TAFA2: variants seen among roughly 807,000 people sequenced by gnomAD.
TAFA2 encodes the protein TAFA chemokine like family member 2.
Under a neutral mutation model 18.8 loss-of-function variants are expected in TAFA2, and 7 were observed. The ratio of observed to expected loss-of-function variants is 0.37; its 90% CI spans 0.21 to 0.70. TAFA2 has a LOEUF of 0.70. TAFA2 is among the 30% of genes least tolerant of loss of function. The probability of loss-of-function intolerance (pLI) is 0.53; values close to 1 mark genes in which losing one functional copy is unlikely to be tolerated. For missense variants in TAFA2, 122 were observed against 158.1 expected (o/e 0.77, Z 1.23); for synonymous variants, 60 against 54.2 (o/e 1.11, Z -0.47).
At chr12:62,132,101 A>G (rs886908155) in intron 1 of TAFA2, among the ~76,000 whole-genome samples, 1 of 151,932 alleles carries the variant, frequency 6.6e-6, no homozygotes, top group African/African-American at 2.4e-5. Flanking sequence ...TAAAATCTAC[A>G]TTGATAAGAT....
At chr12:61,966,391 G>A (rs570108267) in intron 1 of TAFA2, among the ~76,000 whole-genome samples, 3 of 151,978 alleles carry the variant, frequency 2.0e-5, no homozygotes, top group Admixed American at 6.6e-5. Context: ...GGCTTCAGGG[G>A]ACCTCTTTTA....
chr12:62,231,676 A>G (rs2062812599), intron 1 of TAFA2, among the ~76,000 whole-genome samples: 1 of 152,202 alleles, frequency 6.6e-6, no homozygotes, highest in South Asian at 2.1e-4. Context: ...ATTTAGATTG[A>G]AAAAGTTCAA....
intron 1 of TAFA2, among the ~76,000 whole-genome samples, chr12:61,927,358 A>T (rs1469744365): frequency 6.6e-6 from 1 of 152,182 alleles, no homozygotes; most frequent in East Asian, 1.9e-4. Context: ...CAGCATTCCT[A>T]TACAGCAATA....
intron 2 of TAFA2, among the ~76,000 whole-genome samples, chr12:61,777,551 C>A (rs1277577465): frequency 6.6e-6 from 1 of 151,682 alleles, no homozygotes; most frequent in Non-Finnish European, 1.5e-5. Context: ...AGCAACTTAC[C>A]TTTTCTTACC....
At chr12:61,945,105 C>G (rs1417350011) in intron 1 of TAFA2, among the ~76,000 whole-genome samples, 1 of 118,576 alleles carries the variant, frequency 8.4e-6, no homozygotes, top group African/African-American at 4.1e-5. Flanking sequence ...AGCTTATCCA[C>G]CATGATCAAG....
intron 1 of TAFA2, among the ~76,000 whole-genome samples, chr12:62,054,249 T>C (rs1353074441): frequency 6.6e-6 from 1 of 152,250 alleles, no homozygotes; most frequent in Non-Finnish European, 1.5e-5. Flanking sequence ...ACAGAAAGCC[T>C]GTCTATGTGT....
intron 4 of TAFA2, among the ~76,000 whole-genome samples, chr12:61,716,779 G>T (rs1469991978): frequency 1.3e-5 from 2 of 151,900 alleles, no homozygotes; most frequent in East Asian, 1.9e-4. Flanking sequence ...TTTATTTTTG[G>T]ACTGATGAGC....
intron 2 of TAFA2, among the ~76,000 whole-genome samples, chr12:61,811,328 A>G (rs1871860093): frequency 6.6e-6 from 1 of 151,466 alleles, no homozygotes; most frequent in African/African-American, 2.5e-5. Flanking sequence ...AAGATTATAT[A>G]GTATTAGTTG....
At chr12:62,209,019 T>A (rs1032244251) in intron 1 of TAFA2, among the ~76,000 whole-genome samples, 3 of 152,212 alleles carry the variant, frequency 2.0e-5, no homozygotes, top group African/African-American at 7.2e-5. Context: ...AGATCGCTTT[T>A]GGCCTCTGAA....
intron 1 of TAFA2, among the ~76,000 whole-genome samples, chr12:62,214,511 G>A (rs2062726330): frequency 6.6e-6 from 1 of 152,150 alleles, no homozygotes; most frequent in Non-Finnish European, 1.5e-5. Context: ...CCAGCAGCAT[G>A]AAAATGAATT....
At chr12:62,084,524 T>G (rs1868377667) in intron 1 of TAFA2, among the ~76,000 whole-genome samples, 1 of 152,176 alleles carries the variant, frequency 6.6e-6, no homozygotes, top group South Asian at 2.1e-4. Flanking sequence ...CAATCATTTT[T>G]AAGAGAAAGG....
At chr12:62,022,368 T>C (rs192689216) in intron 1 of TAFA2, among the ~76,000 whole-genome samples, 85 of 152,320 alleles carry the variant, frequency 5.6e-4, no homozygotes, top group African/African-American at 2.0e-3. Context: ...TATAATTATA[T>C]GTAATGCCAT....
intron 2 of TAFA2, among the ~76,000 whole-genome samples, chr12:61,757,620 A>G (rs1869336783): frequency 6.6e-6 from 1 of 152,040 alleles, no homozygotes; most frequent in African/African-American, 2.4e-5. Context: ...CACCAATAGA[A>G]AAAGAAGAAA....
intron 2 of TAFA2, among the ~76,000 whole-genome samples, chr12:61,770,405 C>CA (rs1373589449): frequency 2.0e-5 from 3 of 152,092 alleles, no homozygotes; most frequent in Admixed American, 6.6e-5. Flanking sequence ...AAATTCATTG[C>CA]AAAAAGATCA....
intron 1 of TAFA2, among the ~76,000 whole-genome samples, chr12:62,186,417 T>C (rs1001998257): frequency 6.6e-6 from 1 of 152,188 alleles, no homozygotes; most frequent in Non-Finnish European, 1.5e-5. Flanking sequence ...CTTTACATAG[T>C]ACAGGAGACT....
intron 2 of TAFA2, among the ~76,000 whole-genome samples, chr12:61,785,626 C>CTTT (rs1256618714): frequency 6.6e-6 from 1 of 151,334 alleles, no homozygotes; most frequent in Non-Finnish European, 1.5e-5. Flanking sequence ...CCTATCCTGC[C>CTTT]TTGAACTTTC....
chr12:62,055,153 T>A (rs192201877), intron 1 of TAFA2, among the ~76,000 whole-genome samples: 267 of 152,248 alleles, frequency 1.8e-3, no homozygotes, highest in African/African-American at 6.0e-3. Flanking sequence ...ATGTGAGGAC[T>A]CCAGGAAGCA....
chr12:62,029,031 TAAAG>T (rs1417977187), intron 1 of TAFA2, among the ~76,000 whole-genome samples: 1 of 152,172 alleles, frequency 6.6e-6, no homozygotes, highest in Non-Finnish European at 1.5e-5. Flanking sequence ...AGAAAATTTA[TAAAG>T]AGATTTTTTA....
intron 1 of TAFA2, among the ~76,000 whole-genome samples, chr12:61,935,203 T>C (rs1158978121): frequency 1.3e-5 from 2 of 152,190 alleles, no homozygotes; most frequent in African/African-American, 2.4e-5. Flanking sequence ...CTGACTACAT[T>C]TTCCAAAAAT....
Sources: gnomAD v4.1 joint callset for allele counts (sites outside exome capture counted in the v4.1 genomes callset) on GRCh38, gnomAD v4.1.1 for gene constraint, MANE v1.5 for transcripts, NCBI Gene and HGNC (gene_info 2026-07-23, HGNC 2026-07-21) for gene names.